ANKS1B: variants seen among roughly 807,000 people sequenced by gnomAD.
ANKS1B encodes the protein ankyrin repeat and sterile alpha motif domain containing 1B, also known as ankyrin repeat and sterile alpha motif domain-containing protein 1B.
A neutral mutation model predicts 148.3 loss-of-function variants in ANKS1B; 36 were observed. The ratio of observed to expected loss-of-function variants is 0.24; its 90% CI spans 0.19 to 0.32. The LOEUF (loss-of-function observed/expected upper bound fraction) is 0.32, where lower values mean the gene tolerates loss of function less well. Ranked by LOEUF, ANKS1B falls within the 10% of genes least tolerant of loss-of-function variation. ANKS1B has a pLI of 1.00. For missense variants in ANKS1B, 1,157 were observed against 1,542.6 expected, an observed-to-expected ratio of 0.75 and a Z score of 4.19; for synonymous variants, 542 against 560.8, an observed-to-expected ratio of 0.97 and a Z score of 0.47.
intron 9 of ANKS1B, among the ~76,000 whole-genome samples, chr12:99,639,132 A>G (rs950973604): frequency 3.3e-5 from 5 of 150,624 alleles, no homozygotes; most frequent in Non-Finnish European, 3.0e-5. Flanking sequence ...GGAGCCCCCA[A>G]ACAGAGTCCC....
intron 12 of ANKS1B, 118 bp from the exon 13 acceptor site, chr12:99,246,982 A>G: frequency 1.3e-6 from 1 of 776,380 alleles, no homozygotes; most frequent in Non-Finnish European, 2.1e-6. Context: ...CTACATAGCA[A>G]TACCTTCACT....
At chr12:98,914,954 T>G (rs2099792167) in intron 17 of ANKS1B, among the ~76,000 whole-genome samples, 1 of 152,192 alleles carries the variant, frequency 6.6e-6, no homozygotes, top group Non-Finnish European at 1.5e-5. Flanking sequence ...TTGTTTCTCT[T>G]CCTACTAGAA....
chr12:99,021,031 CTT>C (rs1007847256), intron 17 of ANKS1B, among the ~76,000 whole-genome samples: 16 of 151,988 alleles, frequency 1.1e-4, no homozygotes, highest in African/African-American at 3.9e-4. Context: ...ATGCCAGAAA[CTT>C]TGTATATGCT....
intron 17 of ANKS1B, among the ~76,000 whole-genome samples, chr12:98,945,513 A>C (rs78473911): frequency 0.015 from 715 of 47,782 alleles, 21 homozygotes; most frequent in Non-Finnish European, 0.036. Context: ...AACAAAAAAA[A>C]AAAAAAAAAA....
chr12:99,630,134 A>G (rs1027368882), intron 9 of ANKS1B, among the ~76,000 whole-genome samples: 10 of 152,154 alleles, frequency 6.6e-5, no homozygotes, highest in African/African-American at 2.4e-4. Context: ...CAACTAAAAT[A>G]GCAGAGAAAA....
At chr12:99,248,680 A>C (rs1167609394) in intron 12 of ANKS1B, among the ~76,000 whole-genome samples, 1 of 152,204 alleles carries the variant, frequency 6.6e-6, no homozygotes, top group African/African-American at 2.4e-5. Flanking sequence ...GAGTATGTGC[A>C]TTTTTAAGAA....
At chr12:98,833,250 G>A (rs902309691) in intron 17 of ANKS1B, among the ~76,000 whole-genome samples, 1 of 152,176 alleles carries the variant, frequency 6.6e-6, no homozygotes, top group Non-Finnish European at 1.5e-5. Context: ...GAGTGGTTAA[G>A]TCACCTACCC....
At chr12:99,630,768 G>A (rs1247053734) in intron 9 of ANKS1B, among the ~76,000 whole-genome samples, 3 of 152,258 alleles carry the variant, frequency 2.0e-5, no homozygotes, top group South Asian at 2.1e-4. Context: ...GATGCCCCGC[G>A]TTGCCTTGGG....
intron 10 of ANKS1B, among the ~76,000 whole-genome samples, chr12:99,459,153 A>G (rs2095901133): frequency 2.6e-5 from 4 of 152,176 alleles, no homozygotes; most frequent in Admixed American, 2.6e-4. Context: ...AGAATTAAAA[A>G]CAAAAATTAC....
chr12:99,649,175 C>G, intron 9 of ANKS1B: 1 of 833,726 alleles, frequency 1.2e-6, no homozygotes, highest in Non-Finnish European at 2.0e-6. Flanking sequence ...ACATTGGTGG[C>G]AACACAACAT....
At chr12:98,746,799 T>C (rs2097904644) in intron 26 of ANKS1B, among the ~76,000 whole-genome samples, 1 of 152,200 alleles carries the variant, frequency 6.6e-6, no homozygotes, top group Non-Finnish European at 1.5e-5. Flanking sequence ...AGTATTTGCC[T>C]GAAGACAGGA....
chr12:98,799,933 T>A (rs1431922850), intron 21 of ANKS1B, among the ~76,000 whole-genome samples: 1 of 152,018 alleles, frequency 6.6e-6, no homozygotes, highest in Non-Finnish European at 1.5e-5. Context: ...AGATATCTGA[T>A]GGACACTTCC....
intron 8 of ANKS1B, among the ~76,000 whole-genome samples, chr12:99,767,533 T>C (rs1478371555): frequency 2.0e-5 from 3 of 152,094 alleles, no homozygotes; most frequent in Non-Finnish European, 1.5e-5. Context: ...TTTATACACA[T>C]GGAGGAAAAA....
At chr12:99,214,280 T>G (rs1044006027) in intron 14 of ANKS1B, among the ~76,000 whole-genome samples, 2 of 152,214 alleles carry the variant, frequency 1.3e-5, no homozygotes, top group Admixed American at 1.3e-4. Flanking sequence ...TACATCAGAT[T>G]GGCTTGGGTT....
chr12:99,602,754 G>T (rs1393735504), intron 9 of ANKS1B, among the ~76,000 whole-genome samples: 1 of 152,088 alleles, frequency 6.6e-6, no homozygotes, highest in East Asian at 1.9e-4. Flanking sequence ...CAAGCCAGAA[G>T]GGTGGGAGAA....
intron 15 of ANKS1B, among the ~76,000 whole-genome samples, chr12:99,136,870 C>G (rs542703573): frequency 6.6e-6 from 1 of 152,196 alleles, no homozygotes; most frequent in Admixed American, 6.5e-5. Context: ...CAATTTTACT[C>G]TCCTTGCTAC....
intron 12 of ANKS1B, among the ~76,000 whole-genome samples, chr12:99,302,194 T>C (rs1421381631): frequency 6.6e-6 from 1 of 152,174 alleles, no homozygotes; most frequent in Non-Finnish European, 1.5e-5. Flanking sequence ...TCATATTTTT[T>C]GGAATAAATG....
intron 10 of ANKS1B, among the ~76,000 whole-genome samples, chr12:99,490,292 A>C (rs1200678263): frequency 6.6e-6 from 1 of 152,242 alleles, no homozygotes; most frequent in Non-Finnish European, 1.5e-5. Context: ...ATGCACTGAG[A>C]ACTACAGTGA....
chr12:99,921,053 A>G (rs2094335936), intron 1 of ANKS1B, among the ~76,000 whole-genome samples: 1 of 152,218 alleles, frequency 6.6e-6, no homozygotes, highest in Admixed American at 6.5e-5. Context: ...AACTAGCTTG[A>G]TAAGTCTTTC....
Sources: allele counts gnomAD v4.1 joint callset (sites outside exome capture counted in the v4.1 genomes callset), GRCh38; gene constraint gnomAD v4.1.1; transcripts MANE v1.5; gene names NCBI Gene and HGNC (gene_info 2026-07-23, HGNC 2026-07-21).